Variants in SEC14L1 observed in about 807,000 individuals in gnomAD.
SEC14L1 encodes the protein SEC14 like lipid binding 1.
SEC14L1 carries 48 observed loss-of-function variants against 85.3 expected under a neutral mutation model. The observed-to-expected ratio is 0.56, with a 90% confidence interval of 0.45 to 0.72. The LOEUF (loss-of-function observed/expected upper bound fraction) is 0.72. Among genes scored for constraint, SEC14L1 ranks in the 30% least tolerant of loss-of-function variants. SEC14L1 has a pLI of 0.00. For synonymous variants in SEC14L1, 391 were observed against 355.5 expected (o/e 1.10, Z -1.12); for missense variants, 682 against 921.4 (o/e 0.74, Z 3.36).
intron 3 of SEC14L1, among the ~76,000 whole-genome samples, chr17:77,096,188 C>T (rs569244618): frequency 2.0e-5 from 3 of 151,950 alleles, no homozygotes; most frequent in Admixed American, 1.3e-4. Flanking sequence ...TGAGCCATCA[C>T]GCCTGGCTAC....
At chr17:77,200,945 C>T (rs150911545) in intron 9 of SEC14L1, among the ~76,000 whole-genome samples, 47 of 152,344 alleles carry the variant, frequency 3.1e-4, no homozygotes, top group African/African-American at 1.1e-3. Context: ...TTCACTTGCT[C>T]GGTGCAGTAC....
intron 2 of SEC14L1, among the ~76,000 whole-genome samples, chr17:77,092,451 G>A (rs1036849513): frequency 1.3e-5 from 2 of 152,136 alleles, no homozygotes; most frequent in African/African-American, 4.8e-5. Context: ...GACAAAAGGC[G>A]GGAAGCATGG....
chr17:77,205,670 G>C (rs1307677135), intron 11 of SEC14L1, among the ~76,000 whole-genome samples: 1 of 152,178 alleles, frequency 6.6e-6, no homozygotes, highest in Non-Finnish European at 1.5e-5. Flanking sequence ...CAAGCTCTAA[G>C]TTACAGTAAA....
intron 3 of SEC14L1, among the ~76,000 whole-genome samples, chr17:77,121,762 G>A (rs1241327229): frequency 1.3e-5 from 2 of 152,224 alleles, no homozygotes; most frequent in African/African-American, 2.4e-5. Context: ...ATGCCACACA[G>A]CCTTTAACGG....
At chr17:77,198,202 T>C (rs945287212) in intron 8 of SEC14L1, among the ~76,000 whole-genome samples, 1 of 152,258 alleles carries the variant, frequency 6.6e-6, no homozygotes, top group Non-Finnish European at 1.5e-5. Flanking sequence ...TGCTGCCTTA[T>C]CTTCAGCCTT....
rs552241718 is a variant in SEC14L1, at chr17:77,215,572, C to T, written c.*1549C>T. The T allele has an allele frequency of 7.6e-4, 747 of 986,574 alleles. No individual in the cohort carries two copies. Among genetic ancestry groups the T allele is most frequent in the Admixed American group, 2.4e-3 (39 of 16,556 alleles). 61.1% of individuals were successfully genotyped at this position (986,574 alleles called of 1,614,324 possible). On this transcript the variant is annotated 3_prime_UTR_variant, in exon 17 of 17. Coordinates refer to ENST00000436233, the MANE Select transcript of SEC14L1 (RefSeq NM_001143998.2). ...GGACCGAGCAGCCCTCTTGCCCGGT[C>T]GGGTCAGCCCTAGTGGCTGCCTGCA...
chr17:77,133,971 G>A (rs1326032243), intron 3 of SEC14L1, among the ~76,000 whole-genome samples: 1 of 151,200 alleles, frequency 6.6e-6, no homozygotes, highest in Non-Finnish European at 1.5e-5. Flanking sequence ...TGGAAGCGAG[G>A]GGCACAGTCA....
intron 3 of SEC14L1, among the ~76,000 whole-genome samples, chr17:77,145,531 C>T (rs1019128514): frequency 1.3e-5 from 2 of 152,156 alleles, no homozygotes; most frequent in Non-Finnish European, 2.9e-5. Flanking sequence ...GATGTAGTTA[C>T]ACATCTTAAA....
intron 3 of SEC14L1, among the ~76,000 whole-genome samples, chr17:77,150,991 C>T (rs1273712767): frequency 6.6e-6 from 1 of 152,110 alleles, no homozygotes; most frequent in Non-Finnish European, 1.5e-5. Flanking sequence ...CATCCTTGGG[C>T]CTTTTTGTAT....
intron 3 of SEC14L1, among the ~76,000 whole-genome samples, chr17:77,189,785 C>T (rs1257964748): frequency 2.0e-5 from 3 of 152,144 alleles, no homozygotes; most frequent in South Asian, 2.1e-4. Context: ...CCCGCCACCA[C>T]GCCCGGCTAA....
chr17:77,111,065 C>G (rs967665831), intron 3 of SEC14L1, among the ~76,000 whole-genome samples: 1 of 151,462 alleles, frequency 6.6e-6, no homozygotes, highest in Non-Finnish European at 1.5e-5. Flanking sequence ...TGGTGGCAGG[C>G]ACCCGTAATC....
chr17:77,116,859 A>G (rs1297756765), intron 3 of SEC14L1, among the ~76,000 whole-genome samples: 3 of 152,166 alleles, frequency 2.0e-5, no homozygotes, highest in Non-Finnish European at 2.9e-5. Flanking sequence ...CCCCTGTCTC[A>G]TCCACCACTG....
chr17:77,189,830 G>A (rs1055190927), intron 3 of SEC14L1, among the ~76,000 whole-genome samples: 1 of 152,010 alleles, frequency 6.6e-6, no homozygotes, highest in Non-Finnish European at 1.5e-5. Flanking sequence ...GGGTTTCACC[G>A]TGTTAGCCTG....
intron 10 of SEC14L1, among the ~76,000 whole-genome samples, chr17:77,204,783 C>T (rs144057765): frequency 7.9e-4 from 121 of 152,238 alleles, no homozygotes; most frequent in African/African-American, 2.8e-3. Flanking sequence ...TATATATCCC[C>T]ACATGCACAC....
intron 3 of SEC14L1, among the ~76,000 whole-genome samples, chr17:77,176,957 C>T (rs562236650): frequency 2.6e-5 from 4 of 152,084 alleles, no homozygotes; most frequent in East Asian, 3.9e-4. Context: ...TGGATTTTGA[C>T]GATGCAACTT....
In SEC14L1 at chr17:77,200,468, C is replaced by G. The variant is rs745634423; in HGVS notation, c.820-16C>G. 3.1e-6 allele frequency: 5 copies of G among 1,607,970 alleles called. No homozygotes were observed. The highest frequency in any genetic ancestry group is 4.3e-6 in the Non-Finnish European group (5 of 1,176,104). On this transcript the variant is annotated splice_polypyrimidine_tract_variant and intron_variant, in intron 8 of 16. Transcript: ENST00000436233. ...AACTTTTAACATTGCTTAGAAATGT[C>G]TTTTTCTCTTAATAGATTCCAAAAG...
chr17:77,216,190 T>C lies in SEC14L1; in HGVS notation c.*2167T>C, dbSNP rs1223890503. On this transcript the variant is annotated 3_prime_UTR_variant, in exon 17 of 17. Coordinates refer to ENST00000436233, the MANE Select transcript of SEC14L1 (RefSeq NM_001143998.2). ...AGGTAGGGCTAGTAGGTAGGGTTAGTAGGTAGGGCTAGTAGGTAGGGCTAG... is the reference window on the plus strand; with the variant it reads ...AGGTAGGGCTAGTAGGTAGGGTTAGCAGGTAGGGCTAGTAGGTAGGGCTAG... 6.6e-6 allele frequency: 5 copies of C among 759,594 alleles called. No individual in the cohort carries two copies. The highest frequency in any genetic ancestry group is 1.6e-4 in the Admixed American group (2 of 12,502). The allele number at this position is 759,594 out of a possible 1,614,324, so 47.1% of individuals were successfully genotyped here. A position where few individuals can be genotyped will look rare whatever the true frequency, so the allele number is the denominator to read the frequency against.
At chr17:77,092,754 G>A (rs1431178985) in intron 2 of SEC14L1, among the ~76,000 whole-genome samples, 1 of 151,998 alleles carries the variant, frequency 6.6e-6, no homozygotes, top group Non-Finnish European at 1.5e-5. Flanking sequence ...TTCAAGACCA[G>A]CCTGACCAAC....
intron 3 of SEC14L1, among the ~76,000 whole-genome samples, chr17:77,135,872 CTT>C (rs965319179): frequency 4.0e-5 from 6 of 151,014 alleles, no homozygotes; most frequent in Admixed American, 1.3e-4. Context: ...CCTTCCTTCT[CTT>C]TCTTTTCTAT....
Sources: allele counts gnomAD v4.1 joint callset (sites outside exome capture counted in the v4.1 genomes callset), GRCh38; gene constraint gnomAD v4.1.1; transcripts MANE v1.5; gene names NCBI Gene and HGNC (gene_info 2026-07-23, HGNC 2026-07-21).